The following CPNE8 variants were observed in gnomAD, a reference collection of about 807,000 sequenced individuals.
CPNE8 encodes the protein copine-8.
A neutral mutation model predicts 81.5 loss-of-function variants in CPNE8; 45 were observed. The observed-to-expected ratio is 0.55, with a 90% CI of 0.44 to 0.71. The LOEUF (loss-of-function observed/expected upper bound fraction) is 0.71. Ranked by LOEUF, CPNE8 falls within the 30% of genes least tolerant of loss-of-function variation. The pLI, the probability that CPNE8 is intolerant of heterozygous loss-of-function variation, is 0.00. For synonymous variants in CPNE8, 252 were observed against 226.3 expected, an observed-to-expected ratio of 1.11 and a Z score of -1.02; for missense variants, 594 against 672.1, an observed-to-expected ratio of 0.88 and a Z score of 1.28.
chr12:38,873,931 A>G (rs1464757559), intron 2 of CPNE8, among the ~76,000 whole-genome samples: 2 of 152,034 alleles, frequency 1.3e-5, no homozygotes, highest in Non-Finnish European at 1.5e-5. Context: ...TAAATTGTAT[A>G]TACCACTTTT....
At chr12:38,809,192 G>C (rs891806056) in intron 6 of CPNE8, among the ~76,000 whole-genome samples, 1 of 152,202 alleles carries the variant, frequency 6.6e-6, no homozygotes, top group African/African-American at 2.4e-5. Context: ...AGCGAGCTCA[G>C]CTGGGAATTC....
intron 14 of CPNE8, 74 bp downstream of exon 14, chr12:38,702,801 C>A (rs1939979673): frequency 1.2e-6 from 1 of 860,960 alleles, no homozygotes; most frequent in Admixed American, 2.6e-5. Context: ...AATAAATTAA[C>A]ACTTATGAAA....
In CPNE8 at chr12:38,653,865, A is replaced by G; in HGVS notation, c.*17T>C. ...GCACTTTTGATTTGTAGTTGACATTAGCATTTCAGAGCACAGTCATATTTG... is the reference window on the plus strand; with the variant it reads ...GCACTTTTGATTTGTAGTTGACATTGGCATTTCAGAGCACAGTCATATTTG... On this transcript the variant is annotated 3_prime_UTR_variant, in exon 20 of 20. Transcript: ENST00000331366. The G allele has an allele frequency of 2.5e-6, 4 of 1,605,704 alleles. No homozygotes were observed. The highest frequency in any genetic ancestry group is 3.4e-6 in the Non-Finnish European group (4 of 1,177,362).
intron 13 of CPNE8, among the ~76,000 whole-genome samples, chr12:38,714,039 C>G (rs1033830872): frequency 6.6e-6 from 1 of 151,922 alleles, no homozygotes; most frequent in Non-Finnish European, 1.5e-5. Context: ...TCCTTAGTTA[C>G]GGGGATGGGG....
chr12:38,865,449 A>G (rs1246394430), intron 3 of CPNE8, among the ~76,000 whole-genome samples: 2 of 152,226 alleles, frequency 1.3e-5, no homozygotes, highest in Non-Finnish European at 2.9e-5. Context: ...CCATGCAGCA[A>G]CAGGCATGAA....
At chr12:38,791,473 A>G (rs1401086174) in intron 6 of CPNE8, among the ~76,000 whole-genome samples, 1 of 151,696 alleles carries the variant, frequency 6.6e-6, no homozygotes, top group Non-Finnish European at 1.5e-5. Flanking sequence ...GTTGAAAAAA[A>G]GGAATAAAAA....
At chr12:38,802,711 T>A (rs1942704298) in intron 6 of CPNE8, among the ~76,000 whole-genome samples, 1 of 151,576 alleles carries the variant, frequency 6.6e-6, no homozygotes, top group East Asian at 1.9e-4. Context: ...AATCAATGAA[T>A]CCAGGAGCTG....
At chr12:38,834,517 C>T (rs1036296704) in intron 5 of CPNE8, among the ~76,000 whole-genome samples, 6 of 152,148 alleles carry the variant, frequency 3.9e-5, no homozygotes, top group Non-Finnish European at 7.3e-5. Context: ...ATACTACCAA[C>T]ATATATTCCA....
intron 10 of CPNE8, among the ~76,000 whole-genome samples, chr12:38,741,144 C>G (rs1333706065): frequency 1.3e-5 from 2 of 152,168 alleles, no homozygotes; most frequent in Non-Finnish European, 1.5e-5. Flanking sequence ...CCCCATCAAG[C>G]TACCAATGAC....
At chr12:38,848,465 C>G (rs748044284) in intron 4 of CPNE8, 94 bp downstream of exon 4, 1 of 1,430,746 alleles carries the variant, frequency 7.0e-7, no homozygotes, top group Non-Finnish European at 9.1e-7. Context: ...CCAATATAAT[C>G]TAGAACTCAG....
At chr12:38,722,221 A>G (rs757699054) in intron 13 of CPNE8, among the ~76,000 whole-genome samples, 51 of 152,322 alleles carry the variant, frequency 3.3e-4, no homozygotes, top group Non-Finnish European at 6.5e-4. Context: ...CTATTTTCCT[A>G]TCTTCTGAAA....
At chr12:38,798,565 G>C (rs1396560253) in intron 6 of CPNE8, among the ~76,000 whole-genome samples, 1 of 152,070 alleles carries the variant, frequency 6.6e-6, no homozygotes, top group Middle Eastern at 3.4e-3. Flanking sequence ...AACATGGAAA[G>C]AACAACCGGT....
At chr12:38,718,116 T>C (rs1409601543) in intron 13 of CPNE8, among the ~76,000 whole-genome samples, 1 of 152,112 alleles carries the variant, frequency 6.6e-6, no homozygotes, top group Non-Finnish European at 1.5e-5. Flanking sequence ...ATGCATTAGT[T>C]TGGGTGGTTT....
intron 9 of CPNE8, 100 bp from the exon 10 acceptor site, chr12:38,760,988 T>C (rs1230974106): frequency 5.8e-6 from 5 of 857,550 alleles, no homozygotes; most frequent in Non-Finnish European, 9.1e-6. Context: ...GATAAAACAA[T>C]GTATGCTTGC....
chr12:38,800,927 T>A (rs1478564914), intron 6 of CPNE8, among the ~76,000 whole-genome samples: 1 of 131,080 alleles, frequency 7.6e-6, no homozygotes, highest in African/African-American at 2.9e-5. Context: ...ATGAAATGAA[T>A]GAAATGAAGC....
chr12:38,678,434 T>A (rs894170182), intron 16 of CPNE8, among the ~76,000 whole-genome samples: 3 of 151,956 alleles, frequency 2.0e-5, no homozygotes, highest in Non-Finnish European at 4.4e-5. Flanking sequence ...GCAATTCATG[T>A]CCAGTGCTAA....
At chr12:38,796,648 T>C (rs1218654883) in intron 6 of CPNE8, among the ~76,000 whole-genome samples, 2 of 152,118 alleles carry the variant, frequency 1.3e-5, no homozygotes, top group African/African-American at 4.8e-5. Context: ...TGCATTTCCA[T>C]CTGAGGTACC....
In CPNE8 at chr12:38,687,370, C is replaced by CTTTTTTT. The variant is rs35643732; in HGVS notation, c.1144-1754_1144-1753insAAAAAAA. 8.4e-5 allele frequency among the ~76,000 whole-genome samples: 8 copies of CTTTTTTT among 95,494 alleles called. 1 individual carries two copies. Among genetic ancestry groups the CTTTTTTT allele is most frequent in the Admixed American group, 1.3e-4 (1 of 7,962 alleles). 62.6% of individuals were successfully genotyped at this position (95,494 alleles called of 152,430 possible). A position where few individuals can be genotyped will look rare whatever the true frequency, so the allele number is the denominator to read the frequency against. ...GCTACCAAATTACGAAATGCCAAGA[C>CTTTTTTT]TTTCTTTTTTTTTTTTTTTTTTTTT... On this transcript the variant is annotated intron_variant, in intron 15 of 19. Transcript: ENST00000331366.
At chr12:38,828,641 G>T (rs527724039) in intron 6 of CPNE8, among the ~76,000 whole-genome samples, 2 of 152,206 alleles carry the variant, frequency 1.3e-5, no homozygotes, top group South Asian at 4.1e-4. Flanking sequence ...TGAAGATAAA[G>T]ACTTCAAAAT....
Sources: allele counts gnomAD v4.1 joint callset (sites outside exome capture counted in the v4.1 genomes callset), GRCh38; gene constraint gnomAD v4.1.1; transcripts MANE v1.5; gene names NCBI Gene and HGNC (gene_info 2026-07-23, HGNC 2026-07-21).